TMCC1: variants seen among roughly 807,000 people sequenced by gnomAD.
The protein encoded by TMCC1 is transmembrane and coiled-coil domains protein 1.
TMCC1 carries 15 observed loss-of-function variants against 52.4 expected under a neutral mutation model. The ratio of observed to expected loss-of-function variants is 0.29; its 90% CI spans 0.19 to 0.44. The LOEUF (loss-of-function observed/expected upper bound fraction) is 0.44. Among genes scored for constraint, TMCC1 ranks in the 20% least tolerant of loss-of-function variants. TMCC1 has a pLI of 1.00. For missense variants in TMCC1, 503 were observed against 806.0 expected (o/e 0.62, Z 4.55); for synonymous variants, 279 against 301.9 (o/e 0.92, Z 0.79).
intron 4 of TMCC1, among the ~76,000 whole-genome samples, chr3:129,737,712 A>G (rs1240333749): frequency 1.3e-5 from 2 of 152,150 alleles, no homozygotes; most frequent in African/African-American, 4.8e-5. Context: ...ACTAAGACAC[A>G]CACCCCAAAA....
chr3:129,753,900 ACT>A (rs59233061), intron 4 of TMCC1, among the ~76,000 whole-genome samples: 15,227 of 151,316 alleles, frequency 0.1, 943 homozygotes, highest in African/African-American at 0.17. Flanking sequence ...AAGAAATAAA[ACT>A]CTATTCATAA....
chr3:129,806,415 CTAAT>C (rs2057469112), intron 4 of TMCC1, among the ~76,000 whole-genome samples: 1 of 152,204 alleles, frequency 6.6e-6, no homozygotes, highest in Non-Finnish European at 1.5e-5. Context: ...GGCACCCAGA[CTAAT>C]TACCACCACC....
intron 4 of TMCC1, among the ~76,000 whole-genome samples, chr3:129,769,260 C>G (rs968686702): frequency 2.6e-5 from 4 of 152,192 alleles, no homozygotes; most frequent in African/African-American, 9.6e-5. Flanking sequence ...GACGGAGTCT[C>G]GCTCTGTCAC....
At chr3:129,733,199 G>A (rs572942551) in intron 4 of TMCC1, among the ~76,000 whole-genome samples, 6 of 152,318 alleles carry the variant, frequency 3.9e-5, no homozygotes, top group Middle Eastern at 3.4e-3. Flanking sequence ...CTTAAGCCAC[G>A]AAGTTCTGAG....
At chr3:129,861,861 A>G (rs2060413607) in intron 2 of TMCC1, among the ~76,000 whole-genome samples, 2 of 152,214 alleles carry the variant, frequency 1.3e-5, no homozygotes, top group Admixed American at 1.3e-4. Flanking sequence ...TAGCAATTCC[A>G]TTTCTAGGCA....
At chr3:129,867,501 C>T (rs1246074237) in intron 2 of TMCC1, among the ~76,000 whole-genome samples, 2 of 152,152 alleles carry the variant, frequency 1.3e-5, no homozygotes, top group Non-Finnish European at 2.9e-5. Context: ...CATATCAAAT[C>T]TAAATTCCTT....
At position 129,806,967 on chromosome 3, in the gene TMCC1, A is replaced by C. The variant is rs552309678; in HGVS notation, c.576+20836T>G. On this transcript the variant is annotated intron_variant, in intron 4 of 6. Coordinates refer to ENST00000393238, the MANE Select transcript of TMCC1 (RefSeq NM_001017395.5). ...AGGAGAGCTAACTGCTAAGAAAAAG[A>C]TATATATAGGTGGAGGAGGAAATTA... Among the ~76,000 whole-genome samples the C allele has an allele frequency of 3.3e-5, 5 of 152,270 alleles. No individual in the cohort carries two copies. The East Asian group carries it at 7.7e-4, about 23-fold the overall frequency.
At chr3:129,718,824 T>A (rs897627693) in intron 4 of TMCC1, among the ~76,000 whole-genome samples, 3 of 152,208 alleles carry the variant, frequency 2.0e-5, no homozygotes, top group Non-Finnish European at 2.9e-5. Flanking sequence ...ATAATACATA[T>A]AATATATAAA....
chr3:129,820,375 T>A (rs72987350), intron 4 of TMCC1, among the ~76,000 whole-genome samples: 16,277 of 151,332 alleles, frequency 0.11, 2,270 homozygotes, highest in African/African-American at 0.33. Flanking sequence ...ATTAAAAAAA[T>A]ATATATATAT....
chr3:129,648,746 T>G lies in TMCC1; in HGVS notation c.*2735A>C, dbSNP rs1418797285. The G allele has an allele frequency of 5.3e-5, 8 of 151,976 alleles. 1 individual carries two copies. The East Asian group carries it at 1.5e-3, about 29-fold the overall frequency. 9.4% of individuals were successfully genotyped at this position (151,976 alleles called of 1,614,324 possible). On this transcript the variant is annotated 3_prime_UTR_variant, in exon 7 of 7. Coordinates refer to ENST00000393238, the MANE Select transcript of TMCC1 (RefSeq NM_001017395.5). ...GGACGTTTCCACCCAGAACAACTGTTAAGCCATTAGAGCGAGGTTATAGAA... is the reference window on the plus strand; with the variant it reads ...GGACGTTTCCACCCAGAACAACTGTGAAGCCATTAGAGCGAGGTTATAGAA...
Position 129,886,023 on chromosome 3 carries a change from G to A in TMCC1, c.-434-5464C>T, listed in dbSNP as rs959123447. 2.6e-5 allele frequency among the ~76,000 whole-genome samples: 4 copies of A among 152,196 alleles called. No homozygotes were observed. In the East Asian group the frequency reaches 7.7e-4, roughly 29 times the overall value. ...CCCAAAGTGCTGGGATTACAGGCGT[G>A]AGCCACTGTGCCCGGCTTGAATACA... is the stretch of plus-strand genomic sequence containing the variant. On this transcript the variant is annotated intron_variant, in intron 1 of 6. Coordinates refer to ENST00000393238, the MANE Select transcript of TMCC1 (RefSeq NM_001017395.5).
rs536258536 is a variant in TMCC1 at position 129,859,870 on chromosome 3, T to G, written c.-184+20439A>C. ...TGCTCAATAAATATATGTTTAAACT[T>G]AAAAATTTCCCACTAATCACTAGCA... On this transcript the variant is annotated intron_variant, in intron 2 of 6. Coordinates refer to ENST00000393238, the MANE Select transcript of TMCC1 (RefSeq NM_001017395.5). 2.6e-5 allele frequency among the ~76,000 whole-genome samples: 4 copies of G among 152,254 alleles called. No individual in the cohort carries two copies. In the East Asian group the frequency reaches 7.7e-4, roughly 29 times the overall value.
Position 129,828,496 on chromosome 3 carries a change from G to A in TMCC1, c.-118C>T, listed in dbSNP as rs761346599. On this transcript the variant is annotated 5_prime_UTR_variant, in exon 4 of 7. Coordinates refer to ENST00000393238, the MANE Select transcript of TMCC1 (RefSeq NM_001017395.5). This position sits in a 1 kb window ranked among gnomAD's most constrained non-coding sequence, Gnocchi z 4.1. ...CTACGCATGCAGCTGTGAGACGAAG[G>A]CTTCATGCCTATCTAATGTTAAAAA... The A allele has an allele frequency of 3.3e-5, 30 of 905,328 alleles. 1 individual carries two copies. The African/African-American group carries it at 3.8e-4, about 12-fold the overall frequency. 56.1% of individuals were successfully genotyped at this position (905,328 alleles called of 1,614,324 possible).
chr3:129,667,283 T>C (rs1403943344), intron 5 of TMCC1, among the ~76,000 whole-genome samples: 1 of 150,138 alleles, frequency 6.7e-6, no homozygotes, highest in Admixed American at 6.6e-5. Context: ...TGTGAAAGCA[T>C]TCAAAGATCA....
intron 1 of TMCC1, among the ~76,000 whole-genome samples, chr3:129,891,948 G>C (rs2061982926): frequency 1.3e-5 from 2 of 152,178 alleles, no homozygotes; most frequent in African/African-American, 4.8e-5. Flanking sequence ...CTAGGGCACT[G>C]GGGTTCTTCA....
rs372935415 is a variant in TMCC1, at chr3:129,849,994, A to G, written c.-183-17168T>C. Among the ~76,000 whole-genome samples the G allele has an allele frequency of 2.8e-3, 419 of 152,190 alleles. 1 individual carries two copies. The highest frequency in any genetic ancestry group is 3.3e-3 in the Non-Finnish European group (226 of 68,004). ...ATTTGTTGTGAATTCTATTTCAATT[A>G]ACATTTAGATTAGGTATCATTTGAA... On this transcript the variant is annotated intron_variant, in intron 2 of 6. Coordinates refer to ENST00000393238, the MANE Select transcript of TMCC1 (RefSeq NM_001017395.5).
At chr3:129,829,686 T>C (rs2058820778) in intron 3 of TMCC1, among the ~76,000 whole-genome samples, 1 of 152,148 alleles carries the variant, frequency 6.6e-6, no homozygotes, top group African/African-American at 2.4e-5. Context: ...ACTTCAACAA[T>C]TTAAGCCACT....
chr3:129,660,129 G>C (rs988272757), intron 5 of TMCC1, among the ~76,000 whole-genome samples: 1 of 152,048 alleles, frequency 6.6e-6, no homozygotes, highest in African/African-American at 2.4e-5. Context: ...TCCCACTTCT[G>C]ACTTTTTTCT....
intron 1 of TMCC1, among the ~76,000 whole-genome samples, chr3:129,892,932 C>A (rs965201352): frequency 3.3e-5 from 5 of 152,212 alleles, no homozygotes; most frequent in African/African-American, 9.7e-5. Context: ...CCAGCCAGCT[C>A]CTCCTCACAT....
Sources: gnomAD v4.1 joint callset for allele counts (sites outside exome capture counted in the v4.1 genomes callset) on GRCh38, gnomAD v4.1.1 for gene constraint, Gnocchi (gnomAD v3.1) non-coding constraint, MANE v1.5 for transcripts, NCBI Gene and HGNC (gene_info 2026-07-23, HGNC 2026-07-21) for gene names.